The following PLPP4 variants were observed in gnomAD, a reference collection of about 807,000 sequenced individuals.
PLPP4 encodes the protein phospholipid phosphatase 4.
PLPP4 carries 20 observed loss-of-function variants against 32.2 expected under a neutral mutation model. The ratio of observed to expected loss-of-function variants is 0.62; its 90% CI spans 0.44 to 0.90. The LOEUF (loss-of-function observed/expected upper bound fraction) is 0.90, where lower values mean the gene tolerates loss of function less well. Among genes scored for constraint, PLPP4 ranks in the 40% least tolerant of loss-of-function variants. PLPP4 has a pLI of 0.00. For synonymous variants in PLPP4, 127 were observed against 133.0 expected (o/e 0.95, Z 0.31); for missense variants, 257 against 353.1 (o/e 0.73, Z 2.18).
intron 5 of PLPP4, among the ~76,000 whole-genome samples, chr10:120,542,609 T>C (rs888231024): frequency 6.6e-6 from 1 of 152,334 alleles, no homozygotes; most frequent in Admixed American, 6.5e-5. Context: ...AAGGTGCTAT[T>C]AGAAGACTTT....
intron 2 of PLPP4, among the ~76,000 whole-genome samples, chr10:120,512,831 T>A (rs1288370911): frequency 6.6e-6 from 1 of 151,926 alleles, no homozygotes. Flanking sequence ...AAAATACATT[T>A]AAAAAAGAAG....
At chr10:120,550,982 C>T (rs1847875320) in intron 5 of PLPP4, among the ~76,000 whole-genome samples, 1 of 152,008 alleles carries the variant, frequency 6.6e-6, no homozygotes, top group Non-Finnish European at 1.5e-5. Context: ...AAAATATTTA[C>T]AGTTCATATG....
intron 5 of PLPP4, among the ~76,000 whole-genome samples, chr10:120,542,662 A>G (rs1847402791): frequency 6.6e-6 from 1 of 152,160 alleles, no homozygotes; most frequent in African/African-American, 2.4e-5. Context: ...GACTTTGTAA[A>G]AGTATGTTCA....
intron 1 of PLPP4, among the ~76,000 whole-genome samples, chr10:120,462,420 T>C (rs1247099033): frequency 6.6e-6 from 1 of 152,226 alleles, no homozygotes; most frequent in Non-Finnish European, 1.5e-5. Flanking sequence ...ACACAGGCCC[T>C]GCAGACTGTG....
intron 5 of PLPP4, among the ~76,000 whole-genome samples, chr10:120,551,286 T>C (rs1847890905): frequency 2.0e-5 from 3 of 152,196 alleles, no homozygotes; most frequent in Non-Finnish European, 4.4e-5. Context: ...TGGTGATGTA[T>C]AAATTGTTAC....
At chr10:120,559,099 A>G (rs570943029) in intron 5 of PLPP4, among the ~76,000 whole-genome samples, 2 of 152,296 alleles carry the variant, frequency 1.3e-5, no homozygotes, top group African/African-American at 4.8e-5. Flanking sequence ...CCTGATGACT[A>G]CTGAGCTAGA....
At chr10:120,575,081 C>A in intron 5 of PLPP4, 50 bp from the exon 6 acceptor site, 1 of 1,576,266 alleles carries the variant, frequency 6.3e-7, no homozygotes, top group South Asian at 1.2e-5. Context: ...GCACTGAGTC[C>A]CTGCCACTCA....
At chr10:120,481,505 G>A (rs1407111116) in intron 1 of PLPP4, among the ~76,000 whole-genome samples, 1 of 152,184 alleles carries the variant, frequency 6.6e-6, no homozygotes, top group Non-Finnish European at 1.5e-5. Context: ...TAAATTGGAA[G>A]TGGAAGAGTT....
At chr10:120,521,586 C>A (rs1362656759) in intron 5 of PLPP4, among the ~76,000 whole-genome samples, 1 of 152,102 alleles carries the variant, frequency 6.6e-6, no homozygotes, top group East Asian at 1.9e-4. Flanking sequence ...GTGTGAACAC[C>A]TTAAAACAAA....
intron 1 of PLPP4, among the ~76,000 whole-genome samples, chr10:120,457,623 G>T (rs1847850407): frequency 6.6e-6 from 1 of 152,122 alleles, no homozygotes; most frequent in Admixed American, 6.5e-5. Context: ...CGCGCCTGTC[G>T]CCAGCCCCGC....
chr10:120,457,163 C>G (rs1430437457), upstream of PLPP4: 4 of 414,544 alleles, frequency 9.6e-6, no homozygotes, highest in Admixed American at 5.2e-5. Flanking sequence ...GCGCCTGCCC[C>G]CGCCCGGCGC....
chr10:120,564,247 T>TA (rs748793359), intron 5 of PLPP4, among the ~76,000 whole-genome samples: 36 of 151,956 alleles, frequency 2.4e-4, no homozygotes, highest in Admixed American at 1.1e-3. Context: ...AGTAGAGCTT[T>TA]AAAAAAAATC....
At chr10:120,544,875 G>C (rs1026869549) in intron 5 of PLPP4, among the ~76,000 whole-genome samples, 5 of 152,252 alleles carry the variant, frequency 3.3e-5, no homozygotes, top group African/African-American at 1.2e-4. Flanking sequence ...GTGTCAACCA[G>C]GGAATAGGAT....
intron 5 of PLPP4, among the ~76,000 whole-genome samples, chr10:120,532,540 A>T (rs1589832056): frequency 1.3e-5 from 2 of 152,306 alleles, no homozygotes; most frequent in East Asian, 3.9e-4. Context: ...GTATATTCAC[A>T]GCATTTGCAC....
chr10:120,510,448 T>A (rs889275800), intron 2 of PLPP4, among the ~76,000 whole-genome samples: 1 of 152,152 alleles, frequency 6.6e-6, no homozygotes, highest in African/African-American at 2.4e-5. Flanking sequence ...CTTTGCTTGC[T>A]CATGTTTTTC....
intron 1 of PLPP4, among the ~76,000 whole-genome samples, chr10:120,487,129 G>A (rs1202151403): frequency 6.6e-6 from 1 of 152,230 alleles, no homozygotes; most frequent in Non-Finnish European, 1.5e-5. Flanking sequence ...TGTGCTGTGC[G>A]AAATCTCAAA....
intron 5 of PLPP4, among the ~76,000 whole-genome samples, chr10:120,535,247 G>T (rs1213882931): frequency 6.6e-6 from 1 of 152,028 alleles, no homozygotes; most frequent in African/African-American, 2.4e-5. Context: ...GGCTATTTAG[G>T]AGTTGATTGT....
intron 5 of PLPP4, among the ~76,000 whole-genome samples, chr10:120,572,831 T>C (rs980837299): frequency 1.3e-5 from 2 of 152,206 alleles, no homozygotes; most frequent in African/African-American, 4.8e-5. Flanking sequence ...TTGTGCTTGC[T>C]ACGTTGGTGG....
intron 5 of PLPP4, among the ~76,000 whole-genome samples, chr10:120,555,712 T>A (rs545188303): frequency 3.3e-5 from 5 of 152,222 alleles, no homozygotes; most frequent in African/African-American, 1.2e-4. Context: ...TAATTTCAAG[T>A]CTTGTATCTA....
Sources: gnomAD v4.1 joint callset for allele counts (sites outside exome capture counted in the v4.1 genomes callset) on GRCh38, gnomAD v4.1.1 for gene constraint, MANE v1.5 for transcripts, NCBI Gene and HGNC (gene_info 2026-07-23, HGNC 2026-07-21) for gene names.